ARHGAP24: variants seen among roughly 807,000 people sequenced by gnomAD.
The protein encoded by ARHGAP24 is Rho GTPase activating protein 24.
ARHGAP24 carries 50 observed loss-of-function variants against 76.4 expected under a neutral mutation model. The ratio of observed to expected loss-of-function variants is 0.65; its 90% CI spans 0.52 to 0.83. The LOEUF (loss-of-function observed/expected upper bound fraction) is 0.83, where lower values mean the gene tolerates loss of function less well. Among genes scored for constraint, ARHGAP24 ranks in the 40% least tolerant of loss-of-function variants. The pLI is 0.00. For synonymous variants in ARHGAP24, 345 were observed against 323.3 expected (o/e 1.07, Z -0.72); for missense variants, 930 against 914.2 (o/e 1.02, Z -0.22).
At chr4:85,589,351 G>A (rs2623768) in intron 2 of ARHGAP24, among the ~76,000 whole-genome samples, 139,440 of 152,244 alleles carry the variant, frequency 0.92, 63,908 homozygotes, top group East Asian at 0.98. Flanking sequence ...CTTGAAATGT[G>A]TATTTTATTC....
At chr4:85,540,675 G>T (rs2110122513) in intron 1 of ARHGAP24, among the ~76,000 whole-genome samples, 1 of 152,062 alleles carries the variant, frequency 6.6e-6, no homozygotes, top group South Asian at 2.1e-4. Flanking sequence ...AATTTTCCTT[G>T]TATTTATAAT....
chr4:85,868,008 C>A (rs1349555906), intron 3 of ARHGAP24, among the ~76,000 whole-genome samples: 3 of 151,358 alleles, frequency 2.0e-5, no homozygotes, highest in African/African-American at 7.3e-5. Context: ...ACCTGTGACA[C>A]AGCCTCAGGA....
chr4:85,735,452 T>A (rs1006769472), intron 3 of ARHGAP24, among the ~76,000 whole-genome samples: 1 of 152,170 alleles, frequency 6.6e-6, no homozygotes, highest in South Asian at 2.1e-4. Context: ...TTTTTCTTTA[T>A]CCATTGATTA....
intron 5 of ARHGAP24, among the ~76,000 whole-genome samples, chr4:85,963,083 C>T (rs1361477388): frequency 6.6e-6 from 1 of 151,968 alleles, no homozygotes; most frequent in Non-Finnish European, 1.5e-5. Flanking sequence ...AGTTTGCAAA[C>T]TATCATATCT....
chr4:85,987,057 T>G (rs965628597), intron 8 of ARHGAP24, among the ~76,000 whole-genome samples: 1 of 152,114 alleles, frequency 6.6e-6, no homozygotes, highest in Non-Finnish European at 1.5e-5. Context: ...TCAAAACCCA[T>G]AGAGCATACA....
intron 3 of ARHGAP24, among the ~76,000 whole-genome samples, chr4:85,872,849 G>A (rs13150958): frequency 0.13 from 19,466 of 151,290 alleles, 1,304 homozygotes; most frequent in African/African-American, 0.16. Flanking sequence ...CAAGCCACCC[G>A]CCTCAGCCTC....
chr4:85,507,578 A>G (rs529009287), intron 1 of ARHGAP24, among the ~76,000 whole-genome samples: 1 of 152,340 alleles, frequency 6.6e-6, no homozygotes, highest in South Asian at 2.1e-4. Context: ...AATGGTGACG[A>G]GCATGAGTGT....
intron 2 of ARHGAP24, among the ~76,000 whole-genome samples, chr4:85,642,125 T>C (rs1173378630): frequency 1.3e-5 from 2 of 152,056 alleles, no homozygotes; most frequent in African/African-American, 4.8e-5. Flanking sequence ...AAAATTTCTT[T>C]ACAGCCAGCT....
At chr4:85,592,350 G>A (rs1389287889) in intron 2 of ARHGAP24, among the ~76,000 whole-genome samples, 1 of 151,952 alleles carries the variant, frequency 6.6e-6, no homozygotes, top group East Asian at 1.9e-4. Context: ...ATTTTAATTG[G>A]ATTATTAGAT....
At chr4:85,648,614 C>T (rs1030687583) in intron 2 of ARHGAP24, among the ~76,000 whole-genome samples, 2 of 152,070 alleles carry the variant, frequency 1.3e-5, no homozygotes, top group African/African-American at 2.4e-5. Context: ...CATTTATCAT[C>T]ACAAATCATA....
chr4:85,887,676 T>A (rs1346037881), intron 3 of ARHGAP24, among the ~76,000 whole-genome samples: 2 of 152,194 alleles, frequency 1.3e-5, no homozygotes, highest in Non-Finnish European at 2.9e-5. Context: ...AAGTTTCTCC[T>A]TTTACCTCTG....
chr4:85,845,394 G>A (rs1321486815), intron 3 of ARHGAP24, among the ~76,000 whole-genome samples: 1 of 152,156 alleles, frequency 6.6e-6, no homozygotes, highest in African/African-American at 2.4e-5. Flanking sequence ...TGGAGATTAA[G>A]GCGCTTGTTC....
rs1315141880 is a variant in ARHGAP24 at position 85,756,501 on chromosome 4, CA to C, written c.268+34534del. On this transcript the variant is annotated intron_variant, in intron 3 of 9. Transcript: ENST00000395184. ...CTTTCAGAATCTAGTTCTTCATTTCCAAAAAGTATAAGAATCAGAGTTTCAT... is the reference window on the plus strand; with the variant it reads ...CTTTCAGAATCTAGTTCTTCATTTCCAAAAGTATAAGAATCAGAGTTTCAT... Among the ~76,000 whole-genome samples, 5 of 152,024 alleles carry C rather than the reference CA, an allele frequency of 3.3e-5. No individual in the cohort carries two copies. In the East Asian group the frequency reaches 5.8e-4, roughly 18 times the overall value.
rs190891840 is a variant in ARHGAP24 at position 86,001,461 on chromosome 4, G to A, written c.*739G>A. On this transcript the variant is annotated 3_prime_UTR_variant, in exon 10 of 10. Coordinates refer to ENST00000395184, the MANE Select transcript of ARHGAP24 (RefSeq NM_001025616.3). The stretch of plus-strand genomic sequence containing the variant: ...CCTTGCCAGATCCTCAGTGCGTATC[G>A]CCAATGCAGGATGCTCCTTAGAAAA... 56 of 398,706 alleles carry A rather than the reference G, an allele frequency of 1.4e-4. No homozygotes were observed. Among genetic ancestry groups the A allele is most frequent in the South Asian group, 2.5e-4 (2 of 7,852 alleles). 24.7% of individuals were successfully genotyped at this position (398,706 alleles called of 1,614,324 possible). A position where few individuals can be genotyped will look rare whatever the true frequency, so the allele number is the denominator to read the frequency against.
At chr4:85,565,664 G>T (rs9993487) in intron 1 of ARHGAP24, among the ~76,000 whole-genome samples, 10,086 of 152,034 alleles carry the variant, frequency 0.066, 1,117 homozygotes, top group African/African-American at 0.23. Context: ...TTGTTCCCTC[G>T]CCCTCTTTCC....
chr4:85,803,278 T>C (rs913274569), intron 3 of ARHGAP24, among the ~76,000 whole-genome samples: 3 of 152,186 alleles, frequency 2.0e-5, no homozygotes, highest in African/African-American at 7.2e-5. Flanking sequence ...CCTATACCAA[T>C]TGAGGTTTCA....
At chr4:85,660,145 A>G (rs1184549515) in intron 2 of ARHGAP24, among the ~76,000 whole-genome samples, 1 of 152,196 alleles carries the variant, frequency 6.6e-6, no homozygotes, top group Non-Finnish European at 1.5e-5. Context: ...TTCTTAATTA[A>G]CTTTTAAGTT....
chr4:85,984,967 AC>A (rs1459684978), intron 8 of ARHGAP24, among the ~76,000 whole-genome samples: 1 of 151,908 alleles, frequency 6.6e-6, no homozygotes, highest in East Asian at 1.9e-4. Flanking sequence ...GTTTATAGGC[AC>A]CTGCGACCAC....
chr4:85,840,212 G>A (rs1381610166), intron 3 of ARHGAP24, among the ~76,000 whole-genome samples: 2 of 151,866 alleles, frequency 1.3e-5, no homozygotes, highest in Admixed American at 6.6e-5. Flanking sequence ...TGGTTGAAGA[G>A]AACAGAACAA....
Sources: gnomAD v4.1 joint callset for allele counts (sites outside exome capture counted in the v4.1 genomes callset) on GRCh38, gnomAD v4.1.1 for gene constraint, MANE v1.5 for transcripts, NCBI Gene and HGNC (gene_info 2026-07-23, HGNC 2026-07-21) for gene names.